Variants in SCN3A observed in about 807,000 individuals in gnomAD.
SCN3A encodes sodium channel protein type 3 subunit alpha.
A neutral mutation model predicts 187.6 loss-of-function variants in SCN3A; 60 were observed. That is an observed-to-expected ratio of 0.32 (90% confidence interval 0.26 to 0.40). The LOEUF is 0.40. SCN3A is among the 10% of genes least tolerant of loss of function. SCN3A has a pLI of 1.00. For missense variants in SCN3A, 1,601 were observed against 2,428.2 expected (o/e 0.66, Z 7.16); for synonymous variants, 788 against 829.2 (o/e 0.95, Z 0.85).
chr2:165,146,360 AG>A (rs1335263033), intron 12 of SCN3A, among the ~76,000 whole-genome samples: 1 of 149,446 alleles, frequency 6.7e-6, no homozygotes, highest in Non-Finnish European at 1.5e-5. Context: ...AAAGTCTGCT[AG>A]TGTAGGTTAT....
intron 1 of SCN3A, among the ~76,000 whole-genome samples, chr2:165,188,379 T>C (rs1479434220): frequency 6.6e-6 from 1 of 152,178 alleles, no homozygotes; most frequent in Non-Finnish European, 1.5e-5. Context: ...TACTTCAAAC[T>C]GCGTTATATC....
chr2:165,178,790 C>T (rs190503043), intron 2 of SCN3A, among the ~76,000 whole-genome samples: 1 of 152,164 alleles, frequency 6.6e-6, no homozygotes, highest in East Asian at 1.9e-4. Flanking sequence ...TTCTGTTTTA[C>T]TCAAAAGTCA....
At chr2:165,145,460 C>T (rs1192959844) in intron 12 of SCN3A, among the ~76,000 whole-genome samples, 1 of 151,974 alleles carries the variant, frequency 6.6e-6, no homozygotes, top group Non-Finnish European at 1.5e-5. Context: ...ATGTTATCTG[C>T]AGAAAAATGG....
intron 18 of SCN3A, among the ~76,000 whole-genome samples, chr2:165,118,754 C>A (rs1393279974): frequency 6.6e-6 from 1 of 151,682 alleles, no homozygotes; most frequent in African/African-American, 2.4e-5. Context: ...GCCTGGCTAA[C>A]TTTTATATTT....
chr2:165,152,276 A>G (rs1303814366), intron 11 of SCN3A, among the ~76,000 whole-genome samples: 1 of 152,186 alleles, frequency 6.6e-6, no homozygotes, highest in African/African-American at 2.4e-5. Context: ...AGTTGTTATA[A>G]CTGTATTGTG....
chr2:165,092,605 TC>T lies in SCN3A; in HGVS notation c.4537-82del. On this transcript the variant is annotated intron_variant, in intron 26 of 27. Coordinates refer to ENST00000283254, the MANE Select transcript of SCN3A (RefSeq NM_006922.4). This position sits in a 1 kb window ranked among gnomAD's most constrained non-coding sequence, Gnocchi z 4.2. Reference sequence around the variant, plus strand: ...GCAGTAAAATTGTAGATAAAGCCCTTCCACATACGGGATGGATGTGCACCCT... The same window carrying T: ...GCAGTAAAATTGTAGATAAAGCCCTTCACATACGGGATGGATGTGCACCCT... 7.5e-7 allele frequency: 1 copy of T among 1,333,118 alleles called. No individual in the cohort carries two copies. The highest frequency in any genetic ancestry group is 1.1e-6 in the Non-Finnish European group (1 of 937,426). 82.6% of individuals were successfully genotyped at this position (1,333,118 alleles called of 1,614,324 possible).
intron 19 of SCN3A, among the ~76,000 whole-genome samples, chr2:165,115,211 G>A (rs539834688): frequency 2.0e-5 from 3 of 151,130 alleles, no homozygotes; most frequent in African/African-American, 7.3e-5. Flanking sequence ...CCACCATGTT[G>A]AGCTAATTTA....
At chr2:165,154,308 C>T (rs1415125327) in intron 11 of SCN3A, 144 bp downstream of exon 11, 1 of 913,208 alleles carries the variant, frequency 1.1e-6, no homozygotes, top group Non-Finnish European at 1.6e-6. Context: ...GAAACAAGTT[C>T]ATATTTGAAT....
At chr2:165,105,550 G>A (rs959273133) in intron 21 of SCN3A, among the ~76,000 whole-genome samples, 1 of 152,160 alleles carries the variant, frequency 6.6e-6, no homozygotes, top group African/African-American at 2.4e-5. Context: ...AGCTGCCATG[G>A]GAATGGTAGC....
chr2:165,151,319 G>A (rs1208673426), intron 11 of SCN3A, among the ~76,000 whole-genome samples: 3 of 152,116 alleles, frequency 2.0e-5, no homozygotes, highest in Non-Finnish European at 4.4e-5. Context: ...ACCAATTTCT[G>A]TTATATACTG....
intron 21 of SCN3A, among the ~76,000 whole-genome samples, chr2:165,105,807 C>A (rs924327668): frequency 6.6e-6 from 1 of 151,628 alleles, no homozygotes; most frequent in East Asian, 1.9e-4. Flanking sequence ...GAGGTTACAG[C>A]GAGCTATGAT....
At chr2:165,115,304 C>A (rs1686311966) in intron 19 of SCN3A, 151 bp downstream of exon 19, 1 of 797,904 alleles carries the variant, frequency 1.3e-6, no homozygotes, top group Non-Finnish European at 2.1e-6. Context: ...TGGGGTCAAG[C>A]AATCCTCCTA....
chr2:165,199,169 G>A lies in SCN3A; in HGVS notation c.-248+4654C>T, dbSNP rs114027594. On this transcript the variant is annotated intron_variant, in intron 1 of 27. Transcript: ENST00000283254. ...AAAAGGGAGCTTCTTGGCAGAAAAT[G>A]GTCAAAGTTATTTAAAGAGTGACTT... Among the ~76,000 whole-genome samples the A allele has an allele frequency of 9.6e-3, 1,464 of 151,986 alleles. 14 individuals carry two copies. The highest frequency in any genetic ancestry group is 0.013 in the Non-Finnish European group (853 of 67,912).
Position 165,155,140 on chromosome 2 carries a change from AT to A in SCN3A, c.1174-483del, listed in dbSNP as rs1183930753. 6.6e-5 allele frequency among the ~76,000 whole-genome samples: 10 copies of A among 152,300 alleles called. No homozygotes were observed. The South Asian group carries it at 2.1e-3, about 32-fold the overall frequency. On this transcript the variant is annotated intron_variant, in intron 10 of 27. Transcript: ENST00000283254. ...TTTAAAATCTTTTAACGTGCTGTTT[AT>A]ATACCAACAACTGGATTATCAACTT...
Position 165,148,212 on chromosome 2 carries a change from G to A in SCN3A, c.1381-1183C>T, listed in dbSNP as rs1383391746. Among the ~76,000 whole-genome samples, 2 of 150,596 alleles carry A rather than the reference G, an allele frequency of 1.3e-5. 1 individual carries two copies. The highest frequency in any genetic ancestry group is 3.0e-5 in the Non-Finnish European group (2 of 67,648). ...CAATTGTCTCAGACACTGGGGTGGG[G>A]GTGGGGGAAGAACAAGACATACTTA... On this transcript the variant is annotated intron_variant, in intron 11 of 27. Transcript: ENST00000283254.
intron 26 of SCN3A, chr2:165,094,030 G>C (rs940685193): frequency 7.0e-6 from 2 of 286,432 alleles, no homozygotes; most frequent in Non-Finnish European, 1.3e-5. Flanking sequence ...AGGGAGCAGA[G>C]AGTATAGAGG....
intron 11 of SCN3A, among the ~76,000 whole-genome samples, chr2:165,151,360 C>A (rs1241257242): frequency 6.6e-6 from 1 of 152,020 alleles, no homozygotes; most frequent in Non-Finnish European, 1.5e-5. Context: ...ATATGTGGAG[C>A]CATTCATCTG....
chr2:165,094,057 GGA>G, intron 26 of SCN3A: 1 of 364,448 alleles, frequency 2.7e-6, no homozygotes, highest in South Asian at 3.1e-5. Flanking sequence ...TTGGAGAGTG[GGA>G]TGGGAAGGCT....
Position 165,089,891 on chromosome 2 carries a change from A to G in SCN3A, c.*259T>C, listed in dbSNP as rs559715551. The G allele has an allele frequency of 6.5e-4, 324 of 496,246 alleles. No homozygotes were observed. The highest frequency in any genetic ancestry group is 1.1e-3 in the Middle Eastern group (2 of 1,778). 30.7% of individuals were successfully genotyped at this position (496,246 alleles called of 1,614,324 possible). ...GTTCACTTTGCACAACTATCCCTAT[A>G]GTCTAGGTAGCCATTGGGTTTCTCC... is the stretch of plus-strand genomic sequence containing the variant. On this transcript the variant is annotated 3_prime_UTR_variant, in exon 28 of 28. Coordinates refer to ENST00000283254, the MANE Select transcript of SCN3A (RefSeq NM_006922.4).
Sources: gnomAD v4.1 joint callset for allele counts (sites outside exome capture counted in the v4.1 genomes callset) on GRCh38, gnomAD v4.1.1 for gene constraint, Gnocchi (gnomAD v3.1) non-coding constraint, MANE v1.5 for transcripts, NCBI Gene and HGNC (gene_info 2026-07-23, HGNC 2026-07-21) for gene names.